Variants in BNC2 observed in about 807,000 individuals in gnomAD.
BNC2 encodes the protein basonuclin zinc finger protein 2, also known as zinc finger protein basonuclin-2.
Under a neutral mutation model 76.3 loss-of-function variants are expected in BNC2, and 20 were observed. The observed-to-expected ratio is 0.26, with a 90% confidence interval of 0.18 to 0.38. BNC2 has a LOEUF of 0.38. Among genes scored for constraint, BNC2 ranks in the 10% least tolerant of loss-of-function variants. The pLI, the probability that BNC2 is intolerant of heterozygous loss-of-function variation, is 1.00. For missense variants in BNC2, 1,382 were observed against 1,399.8 expected (o/e 0.99, Z 0.20); for synonymous variants, 582 against 514.8 (o/e 1.13, Z -1.77).
chr9:16,827,629 G>T (rs1818484917), intron 1 of BNC2, among the ~76,000 whole-genome samples: 1 of 152,134 alleles, frequency 6.6e-6, no homozygotes, highest in Admixed American at 6.6e-5. Flanking sequence ...CCTAAAAATG[G>T]GGTGCGTGCA....
chr9:16,606,707 G>A (rs999389540), intron 3 of BNC2, among the ~76,000 whole-genome samples: 1 of 151,988 alleles, frequency 6.6e-6, no homozygotes, highest in Admixed American at 6.5e-5. Context: ...ATAGGCTCCC[G>A]CCACCATGCC....
At chr9:16,681,700 G>A (rs1822826407) in intron 3 of BNC2, among the ~76,000 whole-genome samples, 2 of 151,980 alleles carry the variant, frequency 1.3e-5, no homozygotes, top group Non-Finnish European at 2.9e-5. Flanking sequence ...CTACTCCATG[G>A]TCAAAAACAT....
At chr9:16,584,275 T>C (rs1819708913) in intron 3 of BNC2, among the ~76,000 whole-genome samples, 1 of 152,192 alleles carries the variant, frequency 6.6e-6, no homozygotes, top group South Asian at 2.1e-4. Context: ...CAGATGCTCA[T>C]ATTTCTGGAA....
intron 1 of BNC2, among the ~76,000 whole-genome samples, chr9:16,779,130 A>AAAAAAAAAAG (rs556932807): frequency 1.5e-4 from 13 of 87,626 alleles, no homozygotes; most frequent in African/African-American, 2.9e-4. Flanking sequence ...AAAAAAAAAA[A>AAAAAAAAAAG]AAAAGAAAAG....
At chr9:16,857,262 G>A (rs1177883470) in intron 1 of BNC2, among the ~76,000 whole-genome samples, 1 of 151,976 alleles carries the variant, frequency 6.6e-6, no homozygotes, top group African/African-American at 2.4e-5. Flanking sequence ...CAGATCACCA[G>A]AGGTCAGGAG....
intron 3 of BNC2, among the ~76,000 whole-genome samples, chr9:16,663,088 C>T (rs1010875588): frequency 5.4e-5 from 8 of 148,224 alleles, no homozygotes; most frequent in African/African-American, 1.2e-4. Flanking sequence ...CCTACTCGCT[C>T]GCTCAATTCC....
At chr9:16,778,407 CTACCA>C (rs1157609354) in intron 1 of BNC2, among the ~76,000 whole-genome samples, 2 of 152,176 alleles carry the variant, frequency 1.3e-5, no homozygotes, top group Non-Finnish European at 2.9e-5. Context: ...AACCCCCAAA[CTACCA>C]ACAATGATCA....
chr9:16,857,046 T>A (rs973691331), intron 1 of BNC2, among the ~76,000 whole-genome samples: 13 of 152,186 alleles, frequency 8.5e-5, no homozygotes, highest in African/African-American at 3.1e-4. Flanking sequence ...TAAACACATG[T>A]CAAAATACAT....
At chr9:16,583,192 T>C (rs529477644) in intron 3 of BNC2, 107 bp from the exon 4 acceptor site, 34 of 911,182 alleles carry the variant, frequency 3.7e-5, no homozygotes, top group Middle Eastern at 2.1e-4. Flanking sequence ...GATTTTATGA[T>C]GGTAGGGGCC....
intron 1 of BNC2, among the ~76,000 whole-genome samples, chr9:16,854,527 T>C (rs1819205938): frequency 6.6e-6 from 1 of 152,236 alleles, no homozygotes; most frequent in Admixed American, 6.5e-5. Flanking sequence ...AGGTATTTAA[T>C]AACTAGTTTC....
chr9:16,461,834 A>T (rs1821589607), intron 5 of BNC2, among the ~76,000 whole-genome samples: 1 of 152,204 alleles, frequency 6.6e-6, no homozygotes, highest in South Asian at 2.1e-4. Flanking sequence ...TTTTGTTTCT[A>T]ACATCATCTT....
At chr9:16,599,949 C>T (rs1231130381) in intron 3 of BNC2, among the ~76,000 whole-genome samples, 3 of 152,156 alleles carry the variant, frequency 2.0e-5, no homozygotes, top group Non-Finnish European at 2.9e-5. Flanking sequence ...ACACACAAAC[C>T]AGCTTTGCTG....
chr9:16,592,359 A>G (rs532171702), intron 3 of BNC2, among the ~76,000 whole-genome samples: 1 of 152,294 alleles, frequency 6.6e-6, no homozygotes, highest in African/African-American at 2.4e-5. Context: ...TGGCCATAAA[A>G]AGGAATGAAC....
At chr9:16,606,302 CAG>C (rs1820381889) in intron 3 of BNC2, among the ~76,000 whole-genome samples, 1 of 152,100 alleles carries the variant, frequency 6.6e-6, no homozygotes, top group Non-Finnish European at 1.5e-5. Context: ...TTCACTCTGT[CAG>C]AGACTCTGAG....
intron 1 of BNC2, among the ~76,000 whole-genome samples, chr9:16,750,526 A>G (rs539236321): frequency 6.6e-6 from 1 of 152,360 alleles, no homozygotes; most frequent in South Asian, 2.1e-4. Flanking sequence ...CTATCCTGTC[A>G]GATGCGAATG....
intron 3 of BNC2, among the ~76,000 whole-genome samples, chr9:16,698,850 G>C (rs1444287150): frequency 6.6e-6 from 1 of 152,184 alleles, no homozygotes; most frequent in African/African-American, 2.4e-5. Flanking sequence ...AATGAAGAAA[G>C]ACGACTAAAA....
chr9:16,699,927 T>C (rs1449227429), intron 3 of BNC2, among the ~76,000 whole-genome samples: 1 of 152,232 alleles, frequency 6.6e-6, no homozygotes, highest in African/African-American at 2.4e-5. Context: ...TATAAAGATA[T>C]TACAGAATTA....
In BNC2 at chr9:16,580,099, C is replaced by T. The variant is rs181737626; in HGVS notation, c.433+2884G>A. The T allele has an allele frequency of 1.8e-5, 7 of 398,526 alleles. No homozygotes were observed. The East Asian group carries it at 1.8e-4, about 10-fold the overall frequency. 24.7% of individuals were successfully genotyped at this position (398,526 alleles called of 1,614,324 possible). ...CAGTATAAGGCAGCCGGAAAGAATGCTGTGTTTCACCTCTGAGCAGAAGTC... is the reference window on the plus strand; with the variant it reads ...CAGTATAAGGCAGCCGGAAAGAATGTTGTGTTTCACCTCTGAGCAGAAGTC... On this transcript the variant is annotated intron_variant, in intron 4 of 6. Coordinates refer to ENST00000380672, the MANE Select transcript of BNC2 (RefSeq NM_017637.6).
At position 16,515,944 on chromosome 9, in the gene BNC2, GA is replaced by G. The variant is rs3055130; in HGVS notation, c.669+36585del. 5.2e-4 allele frequency among the ~76,000 whole-genome samples: 75 copies of G among 145,368 alleles called. 1 individual carries two copies. The highest frequency in any genetic ancestry group is 3.2e-3 in the South Asian group (15 of 4,654). ...TTGAGAGGAAAACACTTCCAAAAGG[GA>G]AAAAAAAAAAAGTCAGACTGCCACT... is the stretch of plus-strand genomic sequence containing the variant. On this transcript the variant is annotated intron_variant, in intron 5 of 6. Coordinates refer to ENST00000380672, the MANE Select transcript of BNC2 (RefSeq NM_017637.6).
Sources: allele counts gnomAD v4.1 joint callset (sites outside exome capture counted in the v4.1 genomes callset), GRCh38; gene constraint gnomAD v4.1.1; transcripts MANE v1.5; gene names NCBI Gene and HGNC (gene_info 2026-07-23, HGNC 2026-07-21).